The following RLF variants were observed in gnomAD, a reference collection of about 807,000 sequenced individuals.
RLF encodes the protein zinc finger protein Rlf.
A neutral mutation model predicts 162.9 loss-of-function variants in RLF; 7 were observed. The ratio of observed to expected loss-of-function variants is 0.04; its 90% CI spans 0.02 to 0.08. The LOEUF (loss-of-function observed/expected upper bound fraction) is 0.08. Among genes scored for constraint, RLF ranks in the 10% least tolerant of loss-of-function variants. RLF has a pLI of 1.00. For synonymous variants in RLF, 782 were observed against 791.5 expected, an observed-to-expected ratio of 0.99 and a Z score of 0.20; for missense variants, 1,664 against 2,244.7, an observed-to-expected ratio of 0.74 and a Z score of 5.23.
intron 1 of RLF, among the ~76,000 whole-genome samples, chr1:40,186,274 A>C (rs570602688): frequency 6.6e-6 from 1 of 152,218 alleles, no homozygotes; most frequent in Non-Finnish European, 1.5e-5. Flanking sequence ...ATGAGACTCT[A>C]TCTCAATTTA....
chr1:40,211,629 C>G (rs1244118058), intron 5 of RLF, among the ~76,000 whole-genome samples: 3 of 150,364 alleles, frequency 2.0e-5, no homozygotes, highest in African/African-American at 7.3e-5. Context: ...TTTTTCCTTT[C>G]TTTTTCTTTG....
At chr1:40,180,460 C>T (rs1179555855) in intron 1 of RLF, among the ~76,000 whole-genome samples, 1 of 152,110 alleles carries the variant, frequency 6.6e-6, no homozygotes, top group African/African-American at 2.4e-5. Flanking sequence ...CAGGGTTTCA[C>T]CATGTTGGCC....
intron 1 of RLF, among the ~76,000 whole-genome samples, chr1:40,187,947 A>G (rs571662753): frequency 2.0e-5 from 3 of 152,334 alleles, no homozygotes; most frequent in South Asian, 4.1e-4. Context: ...CACTCATGTT[A>G]AAGCTATCCT....
intron 5 of RLF, among the ~76,000 whole-genome samples, chr1:40,218,490 G>A (rs569078302): frequency 6.6e-6 from 1 of 152,156 alleles, no homozygotes; most frequent in Non-Finnish European, 1.5e-5. Context: ...CATTCACTGA[G>A]TGTCAGCTAC....
intron 6 of RLF, among the ~76,000 whole-genome samples, chr1:40,224,639 T>A (rs1296497450): frequency 7.5e-6 from 1 of 132,782 alleles, no homozygotes; most frequent in Admixed American, 7.8e-5. Flanking sequence ...TTTTTTTTTT[T>A]TTTTTTTTTT....
At chr1:40,218,083 A>AG (rs1290614712) in intron 5 of RLF, among the ~76,000 whole-genome samples, 3 of 152,254 alleles carry the variant, frequency 2.0e-5, no homozygotes, top group Admixed American at 2.0e-4. Context: ...ATTAAACTAC[A>AG]GGTTTCAAGT....
chr1:40,169,754 G>A (rs1457124031), intron 1 of RLF, among the ~76,000 whole-genome samples: 1 of 148,016 alleles, frequency 6.8e-6, no homozygotes, highest in South Asian at 2.2e-4. Flanking sequence ...GTGCAGTGAC[G>A]TGATCTCGGC....
chr1:40,172,153 A>T (rs1015693981), intron 1 of RLF, among the ~76,000 whole-genome samples: 4 of 151,982 alleles, frequency 2.6e-5, no homozygotes, highest in South Asian at 4.1e-4. Context: ...CTAAAAAAAA[A>T]TTTTTTTTAA....
At chr1:40,227,387 A>G (rs1643090784) in intron 6 of RLF, among the ~76,000 whole-genome samples, 1 of 152,174 alleles carries the variant, frequency 6.6e-6, no homozygotes, top group Non-Finnish European at 1.5e-5. Context: ...AGAAGAACTT[A>G]TCCTAGCGCA....
intron 3 of RLF, among the ~76,000 whole-genome samples, chr1:40,195,191 C>T (rs1642617178): frequency 6.6e-6 from 1 of 151,490 alleles, no homozygotes; most frequent in African/African-American, 2.4e-5. Context: ...GGCTCAACAC[C>T]TATAATCCCA....
At chr1:40,234,552 A>G (rs568700681) in intron 7 of RLF, among the ~76,000 whole-genome samples, 3 of 152,370 alleles carry the variant, frequency 2.0e-5, no homozygotes, top group Admixed American at 6.5e-5. Context: ...AATAGTTACA[A>G]TGTGCCAGCG....
chr1:40,214,918 C>CAA (rs34756935), intron 5 of RLF, among the ~76,000 whole-genome samples: 728 of 14,374 alleles, frequency 0.051, 166 homozygotes, highest in Non-Finnish European at 0.063. Context: ...GAGCCTGTCT[C>CAA]AAAAAAAAAA....
At chr1:40,219,677 G>A (rs1642967681) in intron 5 of RLF, among the ~76,000 whole-genome samples, 1 of 152,200 alleles carries the variant, frequency 6.6e-6, no homozygotes, top group African/African-American at 2.4e-5. Flanking sequence ...GAAAATGTGT[G>A]TGTGAGATAC....
chr1:40,239,315 A>G lies in RLF; in HGVS notation c.4613A>G (p.His1538Arg), dbSNP rs1407064721. The change falls in exon 8 of 8, where the codon CAT becomes CGT. Residue 1538 changes from histidine to arginine, a missense_variant. Physicochemically the swap from His to Arg is conservative, Grantham distance 29. Transcript: ENST00000372771. ...ISFKTRAEAL[H>R]MCVEHSEHTQ... Reference sequence around the variant, plus strand: ...TTTAAAACCAGAGCTGAGGCCCTCCATATGTGTGTGGAGCACTCTGAGCAC... The same window carrying G: ...TTTAAAACCAGAGCTGAGGCCCTCCGTATGTGTGTGGAGCACTCTGAGCAC... 2 of 1,614,160 alleles carry G rather than the reference A, an allele frequency of 1.2e-6. No individual in the cohort carries two copies. The highest frequency in any genetic ancestry group is 1.1e-5 in the South Asian group (1 of 91,084).
intron 5 of RLF, among the ~76,000 whole-genome samples, chr1:40,202,932 A>T (rs1642737892): frequency 6.6e-6 from 1 of 152,050 alleles, no homozygotes; most frequent in Admixed American, 6.6e-5. Context: ...TGGGGAATGC[A>T]GAAGTTGTTA....
rs548282431 is a variant in RLF, at chr1:40,225,765, T to C, written c.947+3055T>C. On this transcript the variant is annotated intron_variant, in intron 6 of 7. Coordinates refer to ENST00000372771, the MANE Select transcript of RLF (RefSeq NM_012421.4). ...TGGCGGGCGTGCCTGTAGTCCCAGCTACTCGTAAGGCTGAGGCAGGAGAAT... is the reference window on the plus strand; with the variant it reads ...TGGCGGGCGTGCCTGTAGTCCCAGCCACTCGTAAGGCTGAGGCAGGAGAAT... 4.0e-4 allele frequency among the ~76,000 whole-genome samples: 60 copies of C among 149,592 alleles called. No homozygotes were observed. In the Middle Eastern group the frequency reaches 0.014, roughly 35 times the overall value.
chr1:40,222,425 T>G, intron 5 of RLF, 149 bp from the exon 6 acceptor site: 2 of 640,818 alleles, frequency 3.1e-6, no homozygotes, highest in Middle Eastern at 4.4e-4. Flanking sequence ...TATTTTCTTA[T>G]GTGAAATATT....
At chr1:40,168,553 G>C (rs1642196984) in intron 1 of RLF, among the ~76,000 whole-genome samples, 1 of 152,156 alleles carries the variant, frequency 6.6e-6, no homozygotes, top group Non-Finnish European at 1.5e-5. Flanking sequence ...AAGAAAGAAA[G>C]AGACATTTTT....
At chr1:40,204,581 T>A (rs75918800) in intron 5 of RLF, among the ~76,000 whole-genome samples, 7,321 of 151,994 alleles carry the variant, frequency 0.048, 575 homozygotes, top group African/African-American at 0.17. Flanking sequence ...TAATTTATTT[T>A]TTATTTATTT....
Sources: allele counts gnomAD v4.1 joint callset (sites outside exome capture counted in the v4.1 genomes callset), GRCh38; gene constraint gnomAD v4.1.1; transcripts MANE v1.5; gene names NCBI Gene and HGNC (gene_info 2026-07-23, HGNC 2026-07-21).